Variants in SLK observed in about 807,000 individuals in gnomAD.
The protein encoded by SLK is STE20 like kinase.
SLK carries 67 observed loss-of-function variants against 147.7 expected under a neutral mutation model. The ratio of observed to expected loss-of-function variants is 0.45; its 90% CI spans 0.37 to 0.56. SLK has a LOEUF of 0.56. Among genes scored for constraint, SLK ranks in the 20% least tolerant of loss-of-function variants. SLK has a pLI of 0.00. For missense variants in SLK, 1,136 were observed against 1,438.8 expected (o/e 0.79, Z 3.41); for synonymous variants, 441 against 475.0 (o/e 0.93, Z 0.93).
At chr10:104,013,544 T>G (rs1844425241) in intron 13 of SLK, among the ~76,000 whole-genome samples, 2 of 152,230 alleles carry the variant, frequency 1.3e-5, no homozygotes, top group African/African-American at 4.8e-5. Context: ...CTCAAGAAAC[T>G]CAACATTTGT....
At chr10:104,005,407 T>A (rs561753679) in intron 9 of SLK, among the ~76,000 whole-genome samples, 154 bp from the exon 10 acceptor site, 1 of 152,282 alleles carries the variant, frequency 6.6e-6, no homozygotes, top group Non-Finnish European at 1.5e-5. Context: ...CACAGATGAG[T>A]CTATTGCTTT....
chr10:103,967,622 G>A lies in SLK; in HGVS notation c.-124G>A. 1.5e-6 allele frequency: 1 copy of A among 653,948 alleles called. No homozygotes were observed. The highest frequency in any genetic ancestry group is 3.9e-5 in the South Asian group (1 of 25,898). The allele number at this position is 653,948 out of a possible 1,614,324, so 40.5% of individuals were successfully genotyped here. A position where few individuals can be genotyped will look rare whatever the true frequency, so the allele number is the denominator to read the frequency against. On this transcript the variant is annotated 5_prime_UTR_variant, in exon 1 of 19. Coordinates refer to ENST00000369755, the MANE Select transcript of SLK (RefSeq NM_014720.4). Reference sequence around the variant, plus strand: ...CCCGGGACCGCCCGGCCGGAGCTGCGGGGGCCGAGGGACGCCGCGCCCGCC... The same window carrying A: ...CCCGGGACCGCCCGGCCGGAGCTGCAGGGGCCGAGGGACGCCGCGCCCGCC...
chr10:104,021,468 A>G, intron 17 of SLK, 152 bp from the exon 18 acceptor site: 2 of 537,296 alleles, frequency 3.7e-6, no homozygotes, highest in South Asian at 4.4e-5. Flanking sequence ...TTCATTTCCT[A>G]ATTCATGGCC....
rs543780125 is a variant in SLK, at chr10:104,021,853, A to G, written c.3561+120A>G. The G allele has an allele frequency of 5.0e-5, 30 of 602,958 alleles. No homozygotes were observed. The Admixed American group carries it at 8.9e-4, about 18-fold the overall frequency. The allele number at this position is 602,958 out of a possible 1,614,324, so 37.4% of individuals were successfully genotyped here. A position where few individuals can be genotyped will look rare whatever the true frequency, so the allele number is the denominator to read the frequency against. ...GGGCAGGAAACATAGAGATGAAAAG[A>G]CAAAGTTTTTGTCCCCAGAAGTTTT... On this transcript the variant is annotated intron_variant, in intron 18 of 18. Transcript: ENST00000369755.
chr10:103,982,723 G>A (rs1271728660), intron 1 of SLK, among the ~76,000 whole-genome samples: 2 of 152,276 alleles, frequency 1.3e-5, no homozygotes, highest in Middle Eastern at 3.4e-3. Flanking sequence ...GTGTGTATGC[G>A]CAAAGCTGCA....
chr10:103,987,045 A>G, intron 1 of SLK, among the ~76,000 whole-genome samples: 1 of 152,308 alleles, frequency 6.6e-6, no homozygotes, highest in South Asian at 2.1e-4. Flanking sequence ...TTTATGTCCC[A>G]GTTATATTAG....
intron 1 of SLK, among the ~76,000 whole-genome samples, chr10:103,985,285 G>A (rs529430297): frequency 2.0e-5 from 3 of 152,270 alleles, no homozygotes; most frequent in African/African-American, 7.2e-5. Context: ...TAGAGGGGAC[G>A]GCTGTATTAC....
chr10:103,976,503 A>C (rs1843872859), intron 1 of SLK, among the ~76,000 whole-genome samples: 1 of 152,030 alleles, frequency 6.6e-6, no homozygotes. Context: ...CCTGATGACT[A>C]ATGAAGTTGA....
At chr10:104,020,712 C>G in intron 17 of SLK, 99 bp downstream of exon 17, 1 of 1,290,200 alleles carries the variant, frequency 7.8e-7, no homozygotes, top group Non-Finnish European at 1.1e-6. Context: ...CTGCATCATA[C>G]ACGAACATGC....
intron 4 of SLK, 67 bp downstream of exon 4, chr10:103,993,200 CTT>C (rs1844123730): frequency 5.7e-6 from 7 of 1,226,904 alleles, no homozygotes; most frequent in Non-Finnish European, 6.9e-6. Flanking sequence ...ATGTATGTGA[CTT>C]AATGTGGTTT....
intron 1 of SLK, among the ~76,000 whole-genome samples, chr10:103,969,318 A>G (rs767674636): frequency 1.6e-4 from 24 of 152,114 alleles, no homozygotes; most frequent in Non-Finnish European, 2.9e-4. Context: ...CCCTGCCTCA[A>G]ATGCATCTTG....
At chr10:104,024,258 C>G (rs976785998) in intron 18 of SLK, among the ~76,000 whole-genome samples, 1 of 152,194 alleles carries the variant, frequency 6.6e-6, no homozygotes, top group African/African-American at 2.4e-5. Flanking sequence ...AATGGGCCTT[C>G]TAATTTCTAG....
intron 1 of SLK, among the ~76,000 whole-genome samples, chr10:103,975,041 G>A (rs1444859900): frequency 6.6e-6 from 1 of 151,408 alleles, no homozygotes. Context: ...ACACTCCTTT[G>A]CTGGTTCTTC....
Position 103,993,030 on chromosome 10 carries a change from G to A in SLK, c.411G>A (p.Lys137=). 1.2e-6 allele frequency: 2 copies of A among 1,610,918 alleles called. No individual in the cohort carries two copies. Among genetic ancestry groups the A allele is most frequent in the Non-Finnish European group, 1.7e-6 (2 of 1,177,994 alleles). ...AGTCCCAAATACAAGTAGTTTGCAA[G>A]CAGACTTTAGATGCATTGAACTACT... ...LTESQIQVVC[K]QTLDALNYLH... is the part of the protein sequence containing the mutation. Residue 137 remains lysine (K), a synonymous_variant, in exon 4 of 19, where the codon AAG becomes AAA. Coordinates refer to ENST00000369755, the MANE Select transcript of SLK (RefSeq NM_014720.4).
chr10:103,983,985 G>A (rs1417553169), intron 1 of SLK, among the ~76,000 whole-genome samples: 3 of 152,216 alleles, frequency 2.0e-5, no homozygotes, highest in East Asian at 1.9e-4. Flanking sequence ...CCTAGGGGTG[G>A]TAGCTTTTGC....
intron 17 of SLK, 46 bp downstream of exon 17, chr10:104,020,659 A>T: frequency 6.3e-7 from 1 of 1,580,720 alleles, no homozygotes; most frequent in Non-Finnish European, 8.6e-7. Flanking sequence ...ATGCGGCAGC[A>T]CAAGTGGCTG....
Position 104,003,453 on chromosome 10 carries a change from A to G in SLK, c.2275A>G (p.Ser759Gly). 6.2e-7 allele frequency: 1 copy of G among 1,612,468 alleles called. No homozygotes were observed. The highest frequency in any genetic ancestry group is 8.5e-7 in the Non-Finnish European group (1 of 1,179,112). The change falls in exon 9 of 19, where the codon AGC becomes GGC. Residue 759 changes from serine to glycine, a missense_variant. Ser to Gly is a moderately conservative substitution (Grantham distance 56). This residue lies in a region of SLK where 516 missense variants were observed against 531.3 expected (regional missense o/e 0.97). Coordinates refer to ENST00000369755, the MANE Select transcript of SLK (RefSeq NM_014720.4). ...AGGCACTGGTTCCACTGCTGATACT[A>G]GCAGTATTGACTTGAATTTATCCAT... ...DSGTGSTADTSSIDLNLSISS... is the reference protein window; with the variant it reads ...DSGTGSTADTGSIDLNLSISS...
chr10:103,999,126 C>T lies in SLK; in HGVS notation c.595C>T (p.Pro199Ser). 1 of 1,606,426 alleles carries T rather than the reference C, an allele frequency of 6.2e-7. No individual in the cohort carries two copies. Among genetic ancestry groups the T allele is most frequent in the Non-Finnish European group, 8.5e-7 (1 of 1,176,652 alleles). Residue 199 changes from proline to serine, a missense_variant, in exon 6 of 19, where the codon CCT becomes TCT. Coordinates refer to ENST00000369755, the MANE Select transcript of SLK (RefSeq NM_014720.4). ...AATTATCTGTCTTCATAGGATGGCT[C>T]CTGAAGTAGTCATGTGTGAAACATC... ...SFIGTPYWMA[P>S]EVVMCETSKD...
chr10:104,002,872 G>C lies in SLK; in HGVS notation c.1694G>C (p.Ser565Thr). 1 of 1,614,114 alleles carries C rather than the reference G, an allele frequency of 6.2e-7. No individual in the cohort carries two copies. The highest frequency in any genetic ancestry group is 8.5e-7 in the Non-Finnish European group (1 of 1,180,008). ...ADVAQKVDED[S>T]AEDTQSNDGK... ...GTGGCTCAGAAAGTGGATGAAGACA[G>C]TGCTGAGGATACGCAGAGTAATGAT... is the stretch of plus-strand genomic sequence containing the variant. Residue 565 changes from serine (S) to threonine (T), a missense_variant, in exon 9 of 19, where the codon AGT (serine) becomes ACT (threonine). Ser to Thr is a moderately conservative substitution (Grantham distance 58). This residue lies in a region of SLK where 516 missense variants were observed against 531.3 expected (regional missense o/e 0.97). Coordinates refer to ENST00000369755, the MANE Select transcript of SLK (RefSeq NM_014720.4).
Sources: allele counts gnomAD v4.1 joint callset (sites outside exome capture counted in the v4.1 genomes callset), GRCh38; gene constraint gnomAD v4.1.1; regional missense constraint gnomAD v4.1.1; transcripts MANE v1.5; gene names NCBI Gene and HGNC (gene_info 2026-07-23, HGNC 2026-07-21).